Variants in GRIP1 observed in about 807,000 individuals in gnomAD.
GRIP1 encodes the protein glutamate receptor interacting protein 1, also known as glutamate receptor-interacting protein 1.
Under a neutral mutation model 129.9 loss-of-function variants are expected in GRIP1, and 45 were observed. The ratio of observed to expected loss-of-function variants is 0.35; its 90% CI spans 0.27 to 0.44. The LOEUF (loss-of-function observed/expected upper bound fraction) is 0.44, where lower values mean the gene tolerates loss of function less well. Among genes scored for constraint, GRIP1 ranks in the 20% least tolerant of loss-of-function variants. GRIP1 has a pLI of 1.00. For missense variants in GRIP1, 1,196 were observed against 1,396.8 expected (o/e 0.86, Z 2.29); for synonymous variants, 530 against 520.8 (o/e 1.02, Z -0.24).
At chr12:66,876,274 T>C (rs2040381931) in intron 1 of GRIP1, among the ~76,000 whole-genome samples, 3 of 152,052 alleles carry the variant, frequency 2.0e-5, no homozygotes, top group Admixed American at 2.0e-4. Context: ...TTCATGGTTG[T>C]CATGATTATT....
chr12:66,823,217 A>C (rs979344320), intron 1 of GRIP1, among the ~76,000 whole-genome samples: 5 of 152,164 alleles, frequency 3.3e-5, no homozygotes, highest in Non-Finnish European at 7.4e-5. Flanking sequence ...CTGATTACAT[A>C]ATCCTCAGAC....
intron 14 of GRIP1, among the ~76,000 whole-genome samples, chr12:66,427,902 C>T (rs149570378): frequency 6.6e-6 from 1 of 152,272 alleles, no homozygotes; most frequent in East Asian, 1.9e-4. Context: ...TTTAAGATAC[C>T]TGCCTTTTGG....
chr12:66,875,162 GTTCA>G (rs1183456952), intron 1 of GRIP1, among the ~76,000 whole-genome samples: 6 of 151,912 alleles, frequency 3.9e-5, no homozygotes, highest in African/African-American at 1.5e-4. Context: ...ACCTTGTCTT[GTTCA>G]TTCATTATCT....
chr12:66,416,297 T>G (rs1191734180), intron 15 of GRIP1, among the ~76,000 whole-genome samples: 1 of 151,746 alleles, frequency 6.6e-6, no homozygotes, highest in Non-Finnish European at 1.5e-5. Flanking sequence ...AGTGCCTACA[T>G]CAAAAAAGAA....
intron 1 of GRIP1, among the ~76,000 whole-genome samples, chr12:66,860,363 G>A (rs148794714): frequency 3.3e-5 from 5 of 152,162 alleles, no homozygotes. Context: ...AGCATAATAT[G>A]TACCAAACAC....
At chr12:66,444,296 C>G (rs1368951109) in intron 13 of GRIP1, among the ~76,000 whole-genome samples, 2 of 151,330 alleles carry the variant, frequency 1.3e-5, no homozygotes, top group Non-Finnish European at 2.9e-5. Context: ...ACCATCCTGG[C>G]TAACAAGGTG....
chr12:66,567,100 A>C (rs1311581738), intron 2 of GRIP1, among the ~76,000 whole-genome samples: 1 of 152,096 alleles, frequency 6.6e-6, no homozygotes, highest in Non-Finnish European at 1.5e-5. Context: ...GATTTTTTGA[A>C]GGTTTTTTTG....
At chr12:66,905,003 A>C (rs2040907476) in intron 1 of GRIP1, among the ~76,000 whole-genome samples, 1 of 152,324 alleles carries the variant, frequency 6.6e-6, no homozygotes, top group South Asian at 2.1e-4. Flanking sequence ...TCCTCAACAA[A>C]GGAGATTTCA....
At position 66,898,224 on chromosome 12, in the gene GRIP1, G is replaced by A. The variant is rs141809078; in HGVS notation, c.58+170826C>T. On this transcript the variant is annotated intron_variant, in intron 1 of 1. Coordinates refer to the GRIP1 transcript ENST00000643019. ...GTTGTGCCCACTACACTAATATCCC[G>A]AGACACAGAGTCCTTAGCCTTCCTC... 1.8e-4 allele frequency among the ~76,000 whole-genome samples: 27 copies of A among 152,230 alleles called. No individual in the cohort carries two copies. The East Asian group carries it at 2.3e-3, about 13-fold the overall frequency.
chr12:66,349,282 T>C, intron 24 of GRIP1, 36 bp from the exon 25 acceptor site: 1 of 1,517,160 alleles, frequency 6.6e-7, no homozygotes, highest in Non-Finnish European at 9.2e-7. Flanking sequence ...GAATTATCGT[T>C]GTAACCATAA....
chr12:66,539,679 A>G (rs568919945), intron 3 of GRIP1, among the ~76,000 whole-genome samples: 3 of 148,078 alleles, frequency 2.0e-5, no homozygotes, highest in African/African-American at 7.5e-5. Flanking sequence ...TCCCTTTTGT[A>G]CATTTCACCT....
At chr12:66,563,011 A>C (rs544353654) in intron 2 of GRIP1, among the ~76,000 whole-genome samples, 28 of 151,916 alleles carry the variant, frequency 1.8e-4, no homozygotes, top group Non-Finnish European at 3.5e-4. Flanking sequence ...GCTGAGGAGA[A>C]GGAAGAGGAG....
chr12:66,862,798 C>G (rs1230080473), intron 1 of GRIP1, among the ~76,000 whole-genome samples: 1 of 151,964 alleles, frequency 6.6e-6, no homozygotes, highest in African/African-American at 2.4e-5. Flanking sequence ...AGAGAGAATG[C>G]AGTCTAGATT....
chr12:66,874,577 G>T (rs1243834876), intron 1 of GRIP1, among the ~76,000 whole-genome samples: 1 of 152,036 alleles, frequency 6.6e-6, no homozygotes, highest in Non-Finnish European at 1.5e-5. Context: ...GAGGCCTCAG[G>T]AAACTTACAA....
intron 5 of GRIP1, among the ~76,000 whole-genome samples, chr12:66,523,151 A>C (rs2061084673): frequency 6.6e-6 from 1 of 151,492 alleles, no homozygotes; most frequent in African/African-American, 2.4e-5. Flanking sequence ...AAGGCAGGCC[A>C]ACATTCAGAT....
chr12:66,932,403 C>T (rs547588414), intron 1 of GRIP1, among the ~76,000 whole-genome samples: 1 of 152,238 alleles, frequency 6.6e-6, no homozygotes, highest in African/African-American at 2.4e-5. Flanking sequence ...GAACTAATTC[C>T]TAACCTGCAA....
At chr12:66,908,619 G>A (rs1175039768) in intron 1 of GRIP1, among the ~76,000 whole-genome samples, 1 of 152,152 alleles carries the variant, frequency 6.6e-6, no homozygotes, top group Non-Finnish European at 1.5e-5. Context: ...TGTTTATGAG[G>A]AGTGAGATTG....
At chr12:66,369,716 G>C (rs528892374) in intron 23 of GRIP1, among the ~76,000 whole-genome samples, 2 of 152,112 alleles carry the variant, frequency 1.3e-5, no homozygotes, top group Non-Finnish European at 2.9e-5. Flanking sequence ...CACAGAAGAG[G>C]GGAAGGCAGT....
chr12:66,687,505 G>C (rs7488151), intron 1 of GRIP1, among the ~76,000 whole-genome samples: 54,840 of 151,760 alleles, frequency 0.36, 10,934 homozygotes, highest in South Asian at 0.47. Context: ...CCCTATGCCA[G>C]CCACCATGAT....
Sources: gnomAD v4.1 joint callset for allele counts (sites outside exome capture counted in the v4.1 genomes callset) on GRCh38, gnomAD v4.1.1 for gene constraint, MANE v1.5 for transcripts, NCBI Gene and HGNC (gene_info 2026-07-23, HGNC 2026-07-21) for gene names.